PDE4D: variants seen among roughly 807,000 people sequenced by gnomAD.
PDE4D encodes 3',5'-cyclic-AMP phosphodiesterase 4D.
In PDE4D, 24 loss-of-function variants were observed where a neutral mutation model predicts 87.4. The ratio of observed to expected loss-of-function variants is 0.27; its 90% CI spans 0.20 to 0.39. The LOEUF (loss-of-function observed/expected upper bound fraction) is 0.39. Among genes scored for constraint, PDE4D ranks in the 10% least tolerant of loss-of-function variants. The pLI is 1.00. For synonymous variants in PDE4D, 384 were observed against 383.2 expected, an observed-to-expected ratio of 1.00 and a Z score of -0.02; for missense variants, 714 against 1,041.0, an observed-to-expected ratio of 0.69 and a Z score of 4.32.
intron 1 of PDE4D, among the ~76,000 whole-genome samples, chr5:60,384,605 G>A (rs1762079862): frequency 6.6e-6 from 1 of 152,096 alleles, no homozygotes; most frequent in Non-Finnish European, 1.5e-5. Context: ...CTTGCCTGGT[G>A]CTACAGATCA....
intron 5 of PDE4D, among the ~76,000 whole-genome samples, chr5:59,143,654 C>G (rs1010917875): frequency 9.2e-5 from 14 of 152,238 alleles, no homozygotes; most frequent in Non-Finnish European, 1.6e-4. Flanking sequence ...CATAGTATCT[C>G]ATACTGCTCA....
At chr5:59,708,958 T>G (rs1260723199) in intron 1 of PDE4D, among the ~76,000 whole-genome samples, 1 of 151,876 alleles carries the variant, frequency 6.6e-6, no homozygotes, top group Non-Finnish European at 1.5e-5. Flanking sequence ...AAATATATTT[T>G]CAGCAACACT....
intron 3 of PDE4D, among the ~76,000 whole-genome samples, chr5:59,953,890 C>T (rs570019249): frequency 2.0e-5 from 3 of 152,262 alleles, no homozygotes; most frequent in African/African-American, 7.2e-5. Context: ...ACTTAACGCT[C>T]AATTCCTTGG....
At chr5:60,418,733 C>T (rs1251004275) in intron 1 of PDE4D, among the ~76,000 whole-genome samples, 2 of 152,028 alleles carry the variant, frequency 1.3e-5, no homozygotes, top group African/African-American at 4.8e-5. Context: ...GTGTTACAAA[C>T]AATCCAGTTA....
intron 2 of PDE4D, among the ~76,000 whole-genome samples, chr5:60,135,558 T>TA (rs1185384891): frequency 2.0e-5 from 3 of 151,508 alleles, no homozygotes; most frequent in Admixed American, 6.6e-5. Flanking sequence ...ACAGGAAGGG[T>TA]AAAAAAAGAA....
At chr5:59,771,499 G>GAAAAAGAAAGAAAGA (rs760590848) in intron 1 of PDE4D, among the ~76,000 whole-genome samples, 1 of 19,700 alleles carries the variant, frequency 5.1e-5, no homozygotes, top group Non-Finnish European at 1.2e-4. Context: ...GAGAGAGAGA[G>GAAAAAGAAAGAAAGA]AAGAAAGAAA....
intron 1 of PDE4D, among the ~76,000 whole-genome samples, chr5:59,446,287 G>T (rs907648404): frequency 6.6e-6 from 1 of 151,988 alleles, no homozygotes; most frequent in African/African-American, 2.4e-5. Context: ...AGTAACAAGA[G>T]TGATTCTTCA....
intron 2 of PDE4D, among the ~76,000 whole-genome samples, chr5:60,145,491 A>G (rs866484065): frequency 6.6e-6 from 1 of 152,218 alleles, no homozygotes; most frequent in South Asian, 2.1e-4. Context: ...ATGGGGTTTT[A>G]GCCTATTTAA....
chr5:59,205,882 A>T (rs1325118280), intron 2 of PDE4D, among the ~76,000 whole-genome samples: 1 of 152,178 alleles, frequency 6.6e-6, no homozygotes, highest in Admixed American at 6.5e-5. Context: ...CATGACATTT[A>T]TTGGGAGACA....
intron 1 of PDE4D, among the ~76,000 whole-genome samples, chr5:59,811,880 C>T (rs1190961378): frequency 6.6e-6 from 1 of 152,208 alleles, no homozygotes; most frequent in Non-Finnish European, 1.5e-5. Flanking sequence ...TGTGAAAACA[C>T]TTTCCCTACT....
intron 4 of PDE4D, 23 bp from the exon 5 acceptor site, chr5:59,180,667 A>G: frequency 6.2e-7 from 1 of 1,609,580 alleles, no homozygotes; most frequent in Non-Finnish European, 8.5e-7. Context: ...GAAAAACACA[A>G]AGCAGTAAAT....
rs187917375 is a variant in PDE4D, at chr5:59,353,572, G to T, written c.456-137604C>A. On this transcript the variant is annotated intron_variant, in intron 1 of 14. Coordinates refer to ENST00000340635, the MANE Select transcript of PDE4D (RefSeq NM_001104631.2). Reference sequence around the variant, plus strand: ...AAATTAGTACTCATCTTTGTAAGTGGTGCCCTAATGCTAACACTGATCCCA... The same window carrying T: ...AAATTAGTACTCATCTTTGTAAGTGTTGCCCTAATGCTAACACTGATCCCA... Among the ~76,000 whole-genome samples the T allele has an allele frequency of 3.3e-4, 50 of 152,084 alleles. 1 individual carries two copies. The East Asian group carries it at 4.3e-3, about 13-fold the overall frequency.
chr5:59,549,296 T>C (rs1158228838), intron 1 of PDE4D, among the ~76,000 whole-genome samples: 1 of 152,158 alleles, frequency 6.6e-6, no homozygotes, highest in Non-Finnish European at 1.5e-5. Context: ...TAAAACTGAG[T>C]GTGTTTTTCA....
intron 1 of PDE4D, among the ~76,000 whole-genome samples, chr5:59,519,149 C>T (rs997336275): frequency 6.6e-6 from 1 of 152,144 alleles, no homozygotes; most frequent in Non-Finnish European, 1.5e-5. Context: ...TTCCTTCCAT[C>T]CTTTAGCAAA....
intron 5 of PDE4D, among the ~76,000 whole-genome samples, chr5:59,068,593 G>A (rs1252443173): frequency 6.6e-6 from 1 of 152,146 alleles, no homozygotes; most frequent in Non-Finnish European, 1.5e-5. Flanking sequence ...ATGCAAAAAT[G>A]TAACACCTCC....
intron 1 of PDE4D, among the ~76,000 whole-genome samples, chr5:59,433,368 C>T (rs1234316399): frequency 6.6e-6 from 1 of 151,922 alleles, no homozygotes; most frequent in Non-Finnish European, 1.5e-5. Context: ...ATTACCTGTA[C>T]TTAAATTTGG....
intron 1 of PDE4D, among the ~76,000 whole-genome samples, chr5:60,262,892 T>C (rs551218206): frequency 2.0e-5 from 3 of 152,186 alleles, no homozygotes; most frequent in Non-Finnish European, 4.4e-5. Context: ...AAGGTTTGCC[T>C]CAACTTTCTA....
intron 1 of PDE4D, among the ~76,000 whole-genome samples, chr5:59,424,802 T>C (rs1794966028): frequency 6.6e-6 from 1 of 152,206 alleles, no homozygotes; most frequent in Non-Finnish European, 1.5e-5. Flanking sequence ...GAGCTGGTTA[T>C]GATGAAAACA....
rs1774722561 is a variant in PDE4D at position 60,088,063 on chromosome 5, A to C, written c.42+97494T>G. On this transcript the variant is annotated intron_variant, in intron 2 of 16. Transcript: ENST00000502484. ...ATGGCTTTCAGCGGATTTCTCAGAG[A>C]AACTTAGCAGACCAAAAGAAGTGAG... Among the ~76,000 whole-genome samples the C allele has an allele frequency of 2.0e-5, 3 of 152,282 alleles. 1 individual carries two copies. In the South Asian group the frequency reaches 6.2e-4, roughly 32 times the overall value.
Sources: allele counts gnomAD v4.1 joint callset (sites outside exome capture counted in the v4.1 genomes callset), GRCh38; gene constraint gnomAD v4.1.1; transcripts MANE v1.5; gene names NCBI Gene and HGNC (gene_info 2026-07-23, HGNC 2026-07-21).